Variants in NKAIN2 observed in about 807,000 individuals in gnomAD.
The protein encoded by NKAIN2 is sodium/potassium transporting ATPase interacting 2.
In NKAIN2, 14 loss-of-function variants were observed where a neutral mutation model predicts 32.6. That is an observed-to-expected ratio of 0.43 (90% CI 0.28 to 0.67). The LOEUF (loss-of-function observed/expected upper bound fraction) is 0.67, where lower values mean the gene tolerates loss of function less well. NKAIN2 is among the 30% of genes least tolerant of loss of function. The pLI is 0.17. For missense variants in NKAIN2, 198 were observed against 258.3 expected, an observed-to-expected ratio of 0.77 and a Z score of 1.60; for synonymous variants, 80 against 87.2, an observed-to-expected ratio of 0.92 and a Z score of 0.46.
intron 1 of NKAIN2, among the ~76,000 whole-genome samples, chr6:124,127,351 C>T (rs763415628): frequency 4.6e-5 from 7 of 152,072 alleles, no homozygotes; most frequent in Non-Finnish European, 1.0e-4. Context: ...CAAGATTGTT[C>T]GGAAAGAGAG....
At chr6:124,516,195 T>C (rs78167066) in intron 3 of NKAIN2, among the ~76,000 whole-genome samples, 2,019 of 152,088 alleles carry the variant, frequency 0.013, 23 homozygotes, top group Middle Eastern at 0.044. Flanking sequence ...CTATGATAAG[T>C]GCTATAAAAA....
intron 1 of NKAIN2, among the ~76,000 whole-genome samples, chr6:123,912,807 C>T (rs1775287136): frequency 6.6e-6 from 1 of 152,162 alleles, no homozygotes. Context: ...AATTATTCAG[C>T]CTCAGGTATT....
chr6:124,245,218 A>T (rs1197576761), intron 1 of NKAIN2, among the ~76,000 whole-genome samples: 1 of 152,100 alleles, frequency 6.6e-6, no homozygotes, highest in East Asian at 1.9e-4. Flanking sequence ...AGAGACATTT[A>T]ATCCATCTGG....
At chr6:124,486,836 C>G (rs972263430) in intron 3 of NKAIN2, among the ~76,000 whole-genome samples, 1 of 151,994 alleles carries the variant, frequency 6.6e-6, no homozygotes, top group Non-Finnish European at 1.5e-5. Flanking sequence ...CTGCTCTGCC[C>G]GTTCCCTGAA....
At chr6:124,161,005 T>C (rs1425689375) in intron 1 of NKAIN2, among the ~76,000 whole-genome samples, 1 of 152,208 alleles carries the variant, frequency 6.6e-6, no homozygotes, top group Admixed American at 6.5e-5. Flanking sequence ...ATTCAAAGTT[T>C]TAACTTACAC....
intron 4 of NKAIN2, among the ~76,000 whole-genome samples, chr6:124,672,012 A>C (rs1359427023): frequency 6.6e-6 from 1 of 151,974 alleles, no homozygotes; most frequent in Non-Finnish European, 1.5e-5. Context: ...GCCCATTTTA[A>C]AAAACAAAAA....
chr6:124,026,379 T>A (rs910020712), intron 1 of NKAIN2, among the ~76,000 whole-genome samples: 1 of 151,952 alleles, frequency 6.6e-6, no homozygotes, highest in Non-Finnish European at 1.5e-5. Context: ...GGCTGTCTAT[T>A]TCCATAGTAG....
chr6:123,907,039 A>T (rs1429541375), intron 1 of NKAIN2, among the ~76,000 whole-genome samples: 1 of 152,206 alleles, frequency 6.6e-6, no homozygotes, highest in African/African-American at 2.4e-5. Flanking sequence ...CTTCTGTTGT[A>T]TCTGATCTCC....
At chr6:124,338,453 C>T (rs774685375) in intron 2 of NKAIN2, among the ~76,000 whole-genome samples, 16 of 151,978 alleles carry the variant, frequency 1.1e-4, no homozygotes, top group East Asian at 1.9e-4. Flanking sequence ...AGTATTACAC[C>T]GTCATACTGA....
At chr6:123,836,759 A>G (rs1449418401) in intron 1 of NKAIN2, among the ~76,000 whole-genome samples, 1 of 152,190 alleles carries the variant, frequency 6.6e-6, no homozygotes, top group Non-Finnish European at 1.5e-5. Context: ...ACAAATGGTT[A>G]TGTAAAAATG....
chr6:124,768,592 A>G (rs1015081636), intron 4 of NKAIN2, among the ~76,000 whole-genome samples: 2 of 152,214 alleles, frequency 1.3e-5, no homozygotes, highest in Non-Finnish European at 2.9e-5. Flanking sequence ...TAAACTTTAT[A>G]TACAACACTT....
At chr6:123,962,838 C>T (rs1027469483) in intron 1 of NKAIN2, among the ~76,000 whole-genome samples, 12 of 152,140 alleles carry the variant, frequency 7.9e-5, no homozygotes, top group Non-Finnish European at 1.0e-4. Flanking sequence ...GTACAGCTTG[C>T]GCCTAGGCTT....
At chr6:124,745,364 C>T (rs371825263) in intron 4 of NKAIN2, among the ~76,000 whole-genome samples, 7 of 151,668 alleles carry the variant, frequency 4.6e-5, no homozygotes, top group Admixed American at 1.3e-4. Context: ...CAGATTTTAC[C>T]GTCTAATATG....
At chr6:124,570,098 T>C (rs1781069658) in intron 3 of NKAIN2, among the ~76,000 whole-genome samples, 1 of 152,138 alleles carries the variant, frequency 6.6e-6, no homozygotes, top group African/African-American at 2.4e-5. Context: ...CCCTAGAGAT[T>C]TGTGGAACTT....
chr6:124,266,337 G>T (rs1269774611), intron 1 of NKAIN2, among the ~76,000 whole-genome samples: 1 of 152,102 alleles, frequency 6.6e-6, no homozygotes, highest in Non-Finnish European at 1.5e-5. Context: ...GAGTGCAGTG[G>T]CATGATCTTG....
intron 3 of NKAIN2, among the ~76,000 whole-genome samples, chr6:124,460,047 T>C (rs1776472824): frequency 6.6e-6 from 1 of 151,736 alleles, no homozygotes; most frequent in South Asian, 2.1e-4. Flanking sequence ...TTGTAGTCTT[T>C]CTAGGGTTTA....
intron 3 of NKAIN2, among the ~76,000 whole-genome samples, chr6:124,600,096 T>A (rs1782250270): frequency 6.6e-6 from 1 of 152,090 alleles, no homozygotes; most frequent in Admixed American, 6.6e-5. Context: ...TAAAAGAGAA[T>A]GTTAATAATC....
chr6:123,835,170 C>T lies in NKAIN2; in HGVS notation c.54+30916C>T, dbSNP rs552053140. Among the ~76,000 whole-genome samples, 17 of 152,208 alleles carry T rather than the reference C, an allele frequency of 1.1e-4. No individual in the cohort carries two copies. In the East Asian group the frequency reaches 1.7e-3, roughly 16 times the overall value. ...TACTTAAATTTAGTAACCATTTCAC[C>T]GACATCTCCTTGTATCCAGTTTCAT... is the stretch of plus-strand genomic sequence containing the variant. On this transcript the variant is annotated intron_variant, in intron 1 of 6. Transcript: ENST00000368417.
chr6:124,471,779 T>G (rs1203914783), intron 3 of NKAIN2, among the ~76,000 whole-genome samples: 1 of 152,142 alleles, frequency 6.6e-6, no homozygotes, highest in Non-Finnish European at 1.5e-5. Flanking sequence ...CATATGTATG[T>G]TTTCTATCAT....
Sources: allele counts gnomAD v4.1 joint callset (sites outside exome capture counted in the v4.1 genomes callset), GRCh38; gene constraint gnomAD v4.1.1; transcripts MANE v1.5; gene names NCBI Gene and HGNC (gene_info 2026-07-23, HGNC 2026-07-21).